NKX2-1: variants seen among roughly 807,000 people sequenced by gnomAD.
NKX2-1 encodes homeobox protein Nkx-2.1.
Under a neutral mutation model 35.1 loss-of-function variants are expected in NKX2-1, and 9 were observed. The observed-to-expected ratio is 0.26, with a 90% confidence interval of 0.15 to 0.45. NKX2-1 has a LOEUF of 0.45. NKX2-1 is among the 20% of genes least tolerant of loss of function. NKX2-1 has a pLI of 1.00. For synonymous variants in NKX2-1, 284 were observed against 269.9 expected (o/e 1.05, Z -0.51); for missense variants, 509 against 589.1 (o/e 0.86, Z 1.41).
At chr14:36,518,870 G>T in intron 2 of NKX2-1, 115 bp downstream of exon 2, 1 of 1,321,162 alleles carries the variant, frequency 7.6e-7, no homozygotes, top group Non-Finnish European at 9.8e-7. Context: ...CGCCGCTGCC[G>T]GGCCGCCCTC....
chr14:36,519,933 C>A, intron 1 of NKX2-1, 120 bp downstream of exon 1: 1 of 1,465,124 alleles, frequency 6.8e-7, no homozygotes, highest in Non-Finnish European at 9.3e-7. Flanking sequence ...AAGGTGAATG[C>A]TGCTTTGCAA....
At chr14:36,519,792 AT>A (rs1259056028) in intron 1 of NKX2-1, 37 of 1,407,594 alleles carry the variant, frequency 2.6e-5, no homozygotes, top group Non-Finnish European at 3.5e-5. Context: ...CCCCACCCCC[AT>A]TTTTTGTGGG....
chr14:36,520,100 C>G lies in NKX2-1; in HGVS notation c.30G>C (p.Arg10=). 1 of 1,613,220 alleles carries G rather than the reference C, an allele frequency of 6.2e-7. No individual in the cohort carries two copies. The highest frequency in any genetic ancestry group is 1.1e-5 in the South Asian group (1 of 91,074). Residue 10 remains arginine (R), a synonymous_variant, in exon 1 of 3, where the codon CGG becomes CGC. Transcript: ENST00000354822. Reference sequence around the variant, plus strand: ...TCCCTCCCGCCGCGGCCTCCCAGCCCCGCGCCTTCCCACTGCCTCCGGACC... The same window carrying G: ...TCCCTCCCGCCGCGGCCTCCCAGCCGCGCGCCTTCCCACTGCCTCCGGACC... MWSGGSGKA[R]GWEAAAGGRS...
At chr14:36,519,491 TACACGTA>T in intron 1 of NKX2-1, 121 bp from the exon 2 acceptor site, 1 of 1,542,176 alleles carries the variant, frequency 6.5e-7, no homozygotes, top group Non-Finnish European at 8.7e-7. Context: ...TTGTTGGATG[TACACGTA>T]ACGGAGTGGA....
rs1434017277 is a variant in NKX2-1 at position 36,517,731 on chromosome 14, C to T, written c.753G>A (p.Lys251=). ...NHRYKMKRQA[K]DKAAQQQLQQ... ...GCAGTTGCTGCTGCGCCGCCTTGTC[C>T]TTGGCCTGGCGCTTCATTTTGTAGC... The change falls in exon 3 of 3, where the codon AAG becomes AAA. Residue 251 remains lysine, a synonymous_variant. Transcript: ENST00000354822. 6.2e-7 allele frequency: 1 copy of T among 1,608,950 alleles called. No homozygotes were observed. The highest frequency in any genetic ancestry group is 2.2e-5 in the East Asian group (1 of 44,724).
In NKX2-1 at chr14:36,519,305, C is replaced by T. The variant is rs1333571433; in HGVS notation, c.143G>A (p.Ser48Asn). 10 of 1,612,976 alleles carry T rather than the reference C, an allele frequency of 6.2e-6. No homozygotes were observed. In the South Asian group the frequency reaches 8.8e-5, roughly 14 times the overall value. ...TTTCTTGTAGCTTTCCTCCAGGGGA[C>T]TCAAGATGTCAGACACTGAGAACGG... The part of the protein sequence containing the change: ...TTPFSVSDIL[S>N]PLEESYKKVG... Residue 48 changes from serine to asparagine, a missense_variant, in exon 2 of 3, where the codon AGT becomes AAT. By Grantham distance (46) the Ser-to-Asn change is conservative (BLOSUM62 1). Around this residue, in one of 5 missense-constraint regions of NKX2-1, gnomAD observed 271 missense variants for 284.1 expected, o/e 0.95. Coordinates refer to ENST00000354822, the MANE Select transcript of NKX2-1 (RefSeq NM_001079668.3).
At chr14:36,518,054 C>A (rs1468021095) in intron 2 of NKX2-1, 34 bp from the exon 3 acceptor site, 2 of 1,590,470 alleles carry the variant, frequency 1.3e-6, no homozygotes, top group Non-Finnish European at 8.5e-7. Flanking sequence ...TCGGCCGGGG[C>A]CAGGCCGAGC....
At chr14:36,518,060 C>A (rs773441660) in intron 2 of NKX2-1, 40 bp from the exon 3 acceptor site, 1 of 1,590,426 alleles carries the variant, frequency 6.3e-7, no homozygotes, top group Non-Finnish European at 8.5e-7. Flanking sequence ...GGGGCCAGGC[C>A]GAGCCAGGCC....
Position 36,517,675 on chromosome 14 carries a change from C to G in NKX2-1, c.809G>C (p.Gly270Ala). ...TTGCTGCTGCGGGCACCCGGTGCCC[C>G]CGCCGCCCCCGCCGCCGCCGCTGTC... ...QQDSGGGGGG[G>A]GTGCPQQQQA... The change falls in exon 3 of 3, where the codon GGG (glycine) becomes GCG (alanine). Residue 270 changes from glycine (G) to alanine (A), a missense_variant. This residue lies in a region of NKX2-1 where 212 missense variants were observed against 227.7 expected (regional missense o/e 0.93). Transcript: ENST00000354822. 1 of 1,554,238 alleles carries G rather than the reference C, an allele frequency of 6.4e-7. No individual in the cohort carries two copies.
chr14:36,517,143 G>T lies in NKX2-1; in HGVS notation c.*135C>A. On this transcript the variant is annotated 3_prime_UTR_variant, in exon 3 of 3. Coordinates refer to ENST00000354822, the MANE Select transcript of NKX2-1 (RefSeq NM_001079668.3). ...GCAGTTTGGCCTTTGTGGTTTTTTT[G>T]TTCCTTGGTCTAAACGCGGCCAGGT... 5.7e-6 allele frequency: 8 copies of T among 1,407,896 alleles called. No individual in the cohort carries two copies. Among genetic ancestry groups the T allele is most frequent in the Admixed American group, 5.7e-5 (2 of 35,240 alleles). The allele number at this position is 1,407,896 out of a possible 1,614,324, so 87.2% of individuals were successfully genotyped here.
intron 2 of NKX2-1, among the ~76,000 whole-genome samples, chr14:36,518,634 C>T (rs1263499534): frequency 6.6e-6 from 1 of 152,136 alleles, no homozygotes; most frequent in African/African-American, 2.4e-5. Flanking sequence ...CCTCCTGGCC[C>T]GGTCTAGCCT....
In NKX2-1 at chr14:36,517,627, C is replaced by G. The variant is rs2139406704; in HGVS notation, c.857G>C (p.Arg286Pro). Residue 286 changes from arginine to proline, a missense_variant, in exon 3 of 3, where the codon CGA (arginine) becomes CCA (proline). Physicochemically the swap from Arg to Pro is moderately radical, Grantham distance 103. Coordinates refer to ENST00000354822, the MANE Select transcript of NKX2-1 (RefSeq NM_001079668.3). ...CACCAGGACCGGCACCGCCACGCGT[C>G]GCGGCGACTGCTGCTGAGCCTGTTG... ...QQQQAQQQSPRRVAVPVLVKD... is the reference protein window; with the variant it reads ...QQQQAQQQSPPRVAVPVLVKD... The G allele has an allele frequency of 6.5e-7, 1 of 1,537,264 alleles. No homozygotes were observed. Among genetic ancestry groups the G allele is most frequent in the Non-Finnish European group, 8.7e-7 (1 of 1,144,106 alleles).
Position 36,516,532 on chromosome 14 carries a change from TAC to T in NKX2-1, c.*744_*745del. 4.3e-6 allele frequency: 1 copy of T among 232,944 alleles called. No individual in the cohort carries two copies. Among genetic ancestry groups the T allele is most frequent in the East Asian group, 6.1e-5 (1 of 16,508 alleles). 14.4% of individuals were successfully genotyped at this position (232,944 alleles called of 1,614,324 possible). ...GCAAATACCAAACTGCCAAATAATA[TAC>T]ACAGATTTGTCAATGCCCATAAAAA... On this transcript the variant is annotated 3_prime_UTR_variant, in exon 3 of 3. Transcript: ENST00000354822.
At position 36,519,154 on chromosome 14, in the gene NKX2-1, G is replaced by A. The variant is rs1355350348; in HGVS notation, c.294C>T (p.Tyr98=). Residue 98 remains tyrosine (Y), a synonymous_variant, in exon 2 of 3, where the codon TAC becomes TAT. Transcript: ENST00000354822. The stretch of plus-strand genomic sequence containing the variant: ...GGGGCACCCCCGCCGCCGTCATGTG[G>A]TAGGCGGCGGTGACGGCGCCGTGGT... The part of the protein sequence containing the change: ...VGHHGAVTAA[Y]HMTAAGVPQL... 8 of 1,606,768 alleles carry A rather than the reference G, an allele frequency of 5.0e-6. No individual in the cohort carries two copies. Among genetic ancestry groups the A allele is most frequent in the Non-Finnish European group, 6.8e-6 (8 of 1,177,798 alleles).
rs532929714 is a variant in NKX2-1 at position 36,518,922 on chromosome 14, G to T, written c.463+63C>A. On this transcript the variant is annotated intron_variant, in intron 2 of 2. Transcript: ENST00000354822. ...CAGCCTGCCGGCGCCGCGCCTTCTGGACGGCTCTCGCCGCACCTCCTGAGC... is the reference window on the plus strand; with the variant it reads ...CAGCCTGCCGGCGCCGCGCCTTCTGTACGGCTCTCGCCGCACCTCCTGAGC... The T allele has an allele frequency of 4.1e-5, 58 of 1,417,270 alleles. No homozygotes were observed. The Admixed American group carries it at 5.3e-4, about 13-fold the overall frequency. 87.8% of individuals were successfully genotyped at this position (1,417,270 alleles called of 1,614,324 possible). A position where few individuals can be genotyped will look rare whatever the true frequency, so the allele number is the denominator to read the frequency against.
chr14:36,519,278 A>G lies in NKX2-1; in HGVS notation c.170T>C (p.Val57Ala). 1 of 1,612,598 alleles carries G rather than the reference A, an allele frequency of 6.2e-7. No individual in the cohort carries two copies. The highest frequency in any genetic ancestry group is 1.7e-5 in the Admixed American group (1 of 59,994). ...CCCGAGGCCGCCGCCCTCCATGCCC[A>G]CTTTCTTGTAGCTTTCCTCCAGGGG... ...LSPLEESYKK[V>A]GMEGGGLGAP... is the part of the protein sequence containing the mutation. The change falls in exon 2 of 3, where the codon GTG (valine) becomes GCG (alanine). Residue 57 changes from valine (V) to alanine (A), a missense_variant. This residue lies in a region of NKX2-1 where 271 missense variants were observed against 284.1 expected (regional missense o/e 0.95). Transcript: ENST00000354822.
At position 36,520,088 on chromosome 14, in the gene NKX2-1, G is replaced by C. The variant is rs1881282910; in HGVS notation, c.42C>G (p.Ala14=). 6.2e-7 allele frequency: 1 copy of C among 1,612,982 alleles called. No individual in the cohort carries two copies. Among genetic ancestry groups the C allele is most frequent in the African/African-American group, 1.3e-5 (1 of 74,932 alleles). Residue 14 remains alanine (A), a synonymous_variant, in exon 1 of 3, where the codon GCC becomes GCG. Transcript: ENST00000354822. ...GGSGKARGWE[A]AAGGRSSPGR... ...CGGGGCTGCTCCTCCCTCCCGCCGC[G>C]GCCTCCCAGCCCCGCGCCTTCCCAC...
intron 2 of NKX2-1, 23 bp downstream of exon 2, chr14:36,518,962 C>A (rs1170881768): frequency 6.5e-7 from 1 of 1,548,976 alleles, no homozygotes. Flanking sequence ...CCCGCGGCCC[C>A]GCAGTGGGGC....
In NKX2-1 at chr14:36,519,215, G is replaced by T. The variant is rs750787733; in HGVS notation, c.233C>A (p.Pro78Gln). 3 of 1,603,918 alleles carry T rather than the reference G, an allele frequency of 1.9e-6. No homozygotes were observed. The highest frequency in any genetic ancestry group is 2.7e-5 in the African/African-American group (2 of 74,724). The change falls in exon 2 of 3, where the codon CCG (proline) becomes CAG (glutamine). Residue 78 changes from proline (P) to glutamine (Q), a missense_variant. Transcript: ENST00000354822. Reference sequence around the variant, plus strand: ...GTGCTGCTGCATGGCCGCTGTTGGCGGTGCCGCCTGGCCCTGCCTGTACGC... The same window carrying T: ...GTGCTGCTGCATGGCCGCTGTTGGCTGTGCCGCCTGGCCCTGCCTGTACGC... ...LAAYRQGQAA[P>Q]PTAAMQQHAV...
Sources: allele counts gnomAD v4.1 joint callset (sites outside exome capture counted in the v4.1 genomes callset), GRCh38; gene constraint gnomAD v4.1.1; regional missense constraint gnomAD v4.1.1; transcripts MANE v1.5; gene names NCBI Gene and HGNC (gene_info 2026-07-23, HGNC 2026-07-21).